YPEL1: variants seen among roughly 807,000 people sequenced by gnomAD.
YPEL1 encodes the protein yippee like 1, also known as protein yippee-like 1.
In YPEL1, 7 loss-of-function variants were observed where a neutral mutation model predicts 17.3. The observed-to-expected ratio is 0.40, with a 90% CI of 0.23 to 0.76. The LOEUF (loss-of-function observed/expected upper bound fraction) is 0.76. YPEL1 is among the 30% of genes least tolerant of loss of function. The pLI, the probability that YPEL1 is intolerant of heterozygous loss-of-function variation, is 0.35. For synonymous variants in YPEL1, 59 were observed against 59.6 expected (o/e 0.99, Z 0.05); for missense variants, 91 against 155.5 (o/e 0.59, Z 2.21).
intron 1 of YPEL1, among the ~76,000 whole-genome samples, chr22:21,731,042 G>A (rs1297714748): frequency 1.3e-5 from 2 of 151,990 alleles, no homozygotes; most frequent in South Asian, 2.1e-4. Flanking sequence ...CCACAACCAA[G>A]GCCCTGGGAC....
intron 1 of YPEL1, 43 bp from the exon 2 acceptor site, chr22:21,710,951 T>C: frequency 3.4e-6 from 2 of 587,468 alleles, no homozygotes. Flanking sequence ...AGAGAGAACA[T>C]GCGTGTGAAG....
chr22:21,702,126 T>C (rs1332653662), intron 4 of YPEL1, among the ~76,000 whole-genome samples: 1 of 152,192 alleles, frequency 6.6e-6, no homozygotes, highest in Non-Finnish European at 1.5e-5. Context: ...TTGCTGAGTG[T>C]GTGGCCTGGT....
chr22:21,702,728 A>G (rs192223588), intron 4 of YPEL1, among the ~76,000 whole-genome samples: 13 of 152,028 alleles, frequency 8.6e-5, no homozygotes, highest in African/African-American at 2.9e-4. Context: ...GGAGGGGAGG[A>G]CTCGGCCACG....
chr22:21,711,733 C>A (rs1052639803), intron 1 of YPEL1, among the ~76,000 whole-genome samples: 2 of 152,132 alleles, frequency 1.3e-5, no homozygotes, highest in African/African-American at 4.8e-5. Flanking sequence ...AAATAAAAGA[C>A]CTAAATGTGA....
Position 21,708,660 on chromosome 22 carries a change from A to AT in YPEL1, c.117+1967dup, listed in dbSNP as rs150796353. On this transcript the variant is annotated intron_variant, in intron 2 of 4. Coordinates refer to ENST00000339468, the MANE Select transcript of YPEL1 (RefSeq NM_013313.5). Reference sequence around the variant, plus strand: ...CAGCCAGGCTTCTATTCTTGATACAATTTTTTTTTTTTTTTTTTTTTTTAA... The same window carrying AT: ...CAGCCAGGCTTCTATTCTTGATACAATTTTTTTTTTTTTTTTTTTTTTTTAA... 8.3e-4 allele frequency among the ~76,000 whole-genome samples: 89 copies of AT among 107,198 alleles called. No homozygotes were observed. The East Asian group carries it at 0.016, about 19-fold the overall frequency. The allele number at this position is 107,198 out of a possible 152,430, so 70.3% of individuals were successfully genotyped here.
chr22:21,701,127 C>T lies in YPEL1; in HGVS notation c.*2G>A. 1 of 1,612,908 alleles carries T rather than the reference C, an allele frequency of 6.2e-7. No individual in the cohort carries two copies. The highest frequency in any genetic ancestry group is 8.5e-7 in the Non-Finnish European group (1 of 1,179,036). On this transcript the variant is annotated 3_prime_UTR_variant, in exon 5 of 5. Transcript: ENST00000339468. ...TTCAAAGGAGAAGGGAAAGTTCGCACATTACTCCCAGCCATTGTCTTTGAT... is the reference window on the plus strand; with the variant it reads ...TTCAAAGGAGAAGGGAAAGTTCGCATATTACTCCCAGCCATTGTCTTTGAT...
chr22:21,703,997 C>G lies in YPEL1; in HGVS notation c.118-115G>C, dbSNP rs533454313. On this transcript the variant is annotated intron_variant, in intron 2 of 4. Coordinates refer to ENST00000339468, the MANE Select transcript of YPEL1 (RefSeq NM_013313.5). The surrounding 1 kb of genome is among the most constrained non-coding windows in gnomAD (Gnocchi z 6.1). The stretch of plus-strand genomic sequence containing the variant: ...CTGTTAGCTGCGCCGGGACGCGTCA[C>G]CGGGAGCAGACACCGGCGTCCCCCC... The G allele has an allele frequency of 4.8e-4, 570 of 1,183,778 alleles. 2 individuals are homozygous for G. The African/African-American group carries it at 7.7e-3, about 16-fold the overall frequency. The allele number at this position is 1,183,778 out of a possible 1,614,324, so 73.3% of individuals were successfully genotyped here.
chr22:21,705,842 T>TA (rs1372679462), intron 2 of YPEL1, among the ~76,000 whole-genome samples: 1 of 151,578 alleles, frequency 6.6e-6, no homozygotes, highest in Non-Finnish European at 1.5e-5. Context: ...CTAAAAAACA[T>TA]AAATAGGCCA....
In YPEL1 at chr22:21,698,370, C is replaced by T. The variant is rs1459435814; in HGVS notation, c.*2759G>A. ...CAAAGTGCCCAAATAGAAGGAGCAG[C>T]GAACTTGCCCAAAACAGAAAAGCTC... On this transcript the variant is annotated 3_prime_UTR_variant, in exon 5 of 5. Transcript: ENST00000339468. 2.0e-5 allele frequency: 3 copies of T among 152,086 alleles called. No homozygotes were observed. Among genetic ancestry groups the T allele is most frequent in the East Asian group, 1.9e-4 (1 of 5,332 alleles). 9.4% of individuals were successfully genotyped at this position (152,086 alleles called of 1,614,324 possible).
rs2068003824 is a variant in YPEL1, at chr22:21,697,973, CTG to C, written c.*3154_*3155del. The C allele has an allele frequency of 6.6e-6, 1 of 152,356 alleles. No individual in the cohort carries two copies. Among genetic ancestry groups the C allele is most frequent in the East Asian group, 1.9e-4 (1 of 5,322 alleles). The allele number at this position is 152,356 out of a possible 1,614,324, so 9.4% of individuals were successfully genotyped here. A position where few individuals can be genotyped will look rare whatever the true frequency, so the allele number is the denominator to read the frequency against. On this transcript the variant is annotated 3_prime_UTR_variant, in exon 5 of 5. Coordinates refer to ENST00000339468, the MANE Select transcript of YPEL1 (RefSeq NM_013313.5). Reference sequence around the variant, plus strand: ...AATAAGCATTAAGGTATAAAAAATACTGTGTGTATAAAACAATGCCAAACCAC... The same window carrying C: ...AATAAGCATTAAGGTATAAAAAATACTGTGTATAAAACAATGCCAAACCAC...
At chr22:21,730,057 C>T (rs972949185) in intron 1 of YPEL1, among the ~76,000 whole-genome samples, 1 of 151,616 alleles carries the variant, frequency 6.6e-6, no homozygotes, top group Admixed American at 6.6e-5. Context: ...GAGGCTGAGG[C>T]GGGAGAACTG....
chr22:21,717,171 T>A (rs573492799), intron 1 of YPEL1, among the ~76,000 whole-genome samples: 1,780 of 150,886 alleles, frequency 0.012, 19 homozygotes, highest in African/African-American at 0.032. Context: ...AGGTCAGGAG[T>A]TCGAGACCAG....
Position 21,703,935 on chromosome 22 carries a change from C to T in YPEL1, c.118-53G>A. 1.9e-6 allele frequency: 3 copies of T among 1,553,310 alleles called. No homozygotes were observed. The highest frequency in any genetic ancestry group is 2.6e-6 in the Non-Finnish European group (3 of 1,146,978). On this transcript the variant is annotated intron_variant, in intron 2 of 4. Coordinates refer to ENST00000339468, the MANE Select transcript of YPEL1 (RefSeq NM_013313.5). This position sits in a 1 kb window ranked among gnomAD's most constrained non-coding sequence, Gnocchi z 6.1. ...GCTGCGAGTGCTTTCTGGAACGAAGCGGTGCTGCCCAGAACCAGGGGAGTC... is the reference window on the plus strand; with the variant it reads ...GCTGCGAGTGCTTTCTGGAACGAAGTGGTGCTGCCCAGAACCAGGGGAGTC...
chr22:21,719,314 ACTT>A (rs1281788992), intron 1 of YPEL1, among the ~76,000 whole-genome samples: 1 of 152,204 alleles, frequency 6.6e-6, no homozygotes, highest in Non-Finnish European at 1.5e-5. Flanking sequence ...TTCTGACTTC[ACTT>A]CTTACTGAAC....
intron 2 of YPEL1, chr22:21,710,412 G>A (rs1282402248): frequency 1.7e-6 from 1 of 575,176 alleles, no homozygotes; most frequent in East Asian, 2.9e-5. Context: ...CCTGGCCCTG[G>A]AAAACCGCCC....
intron 1 of YPEL1, among the ~76,000 whole-genome samples, chr22:21,721,773 G>A (rs142237951): frequency 1.3e-3 from 194 of 152,122 alleles, no homozygotes; most frequent in Middle Eastern, 6.8e-3. Context: ...CATTTTAAGT[G>A]GACAGAACAT....
At chr22:21,721,322 G>A (rs1286864776) in intron 1 of YPEL1, among the ~76,000 whole-genome samples, 1 of 151,366 alleles carries the variant, frequency 6.6e-6, no homozygotes, top group Non-Finnish European at 1.5e-5. Flanking sequence ...GTTTCACCAT[G>A]TTAGCCAGGA....
chr22:21,703,421 C>T lies in YPEL1; in HGVS notation c.219G>A (p.Ala73=), dbSNP rs762413372. The T allele has an allele frequency of 5.0e-6, 8 of 1,613,338 alleles. No homozygotes were observed. Among genetic ancestry groups the T allele is most frequent in the South Asian group, 1.1e-5 (1 of 91,082 alleles). ...AGTTCTCGCAGTAGATGTCGGCAAC[C>T]GCATGCAGCCCGGTGAGAAGGACCC... ...EERVLLTGLH[A]VADIYCENCK... Residue 73 remains alanine, a synonymous_variant, in exon 4 of 5, where the codon GCG becomes GCA. Coordinates refer to ENST00000339468, the MANE Select transcript of YPEL1 (RefSeq NM_013313.5). The surrounding 1 kb of genome is among the most constrained non-coding windows in gnomAD (Gnocchi z 6.1).
chr22:21,721,425 CTTTTTTTT>C lies in YPEL1; in HGVS notation c.-164-10525_-164-10518del, dbSNP rs55953362. ...GAGCCACCATGCCCAGCCTTTTTTT[CTTTTTTTT>C]TTTTTTTTGAGACAGAGTCTCGTTC... is the stretch of plus-strand genomic sequence containing the variant. On this transcript the variant is annotated intron_variant, in intron 1 of 4. Coordinates refer to ENST00000339468, the MANE Select transcript of YPEL1 (RefSeq NM_013313.5). 5.3e-5 allele frequency among the ~76,000 whole-genome samples: 8 copies of C among 149,668 alleles called. No homozygotes were observed. The East Asian group carries it at 1.6e-3, about 30-fold the overall frequency.
Sources: allele counts gnomAD v4.1 joint callset (sites outside exome capture counted in the v4.1 genomes callset), GRCh38; gene constraint gnomAD v4.1.1; non-coding constraint Gnocchi (gnomAD v3.1); transcripts MANE v1.5; gene names NCBI Gene and HGNC (gene_info 2026-07-23, HGNC 2026-07-21).